Variants in FRMPD4 observed in about 807,000 individuals in gnomAD.
FRMPD4 encodes the protein FERM and PDZ domain-containing protein 4.
A neutral mutation model predicts 94.1 loss-of-function variants in FRMPD4; 22 were observed. The ratio of observed to expected loss-of-function variants is 0.23; its 90% CI spans 0.17 to 0.33. The LOEUF (loss-of-function observed/expected upper bound fraction) is 0.33. Ranked by LOEUF, FRMPD4 falls within the 10% of genes least tolerant of loss-of-function variation. FRMPD4 has a pLI of 1.00. For synonymous variants in FRMPD4, 631 were observed against 548.6 expected, an observed-to-expected ratio of 1.15 and a Z score of -2.10; for missense variants, 1,111 against 1,339.9, an observed-to-expected ratio of 0.83 and a Z score of 2.67.
At chrX:12,557,521 T>G (rs2058608512) in intron 2 of FRMPD4, among the ~76,000 whole-genome samples, 1 of 112,510 alleles carries the variant, frequency 8.9e-6, no homozygotes, top group Non-Finnish European at 1.9e-5. Flanking sequence ...TCTTGAAATA[T>G]GTCAAAGGAG....
chrX:12,583,793 A>G (rs1435798025), intron 2 of FRMPD4, among the ~76,000 whole-genome samples: 2 of 112,298 alleles, frequency 1.8e-5, no homozygotes, highest in African/African-American at 6.5e-5. Flanking sequence ...TGTCTTTCGC[A>G]CCAGAATCTC....
At chrX:12,581,946 C>A (rs2058869933) in intron 2 of FRMPD4, among the ~76,000 whole-genome samples, 1 of 111,965 alleles carries the variant, frequency 8.9e-6, no homozygotes, top group African/African-American at 3.3e-5. Context: ...TTCCTCCATA[C>A]TTCTCATTAG....
At chrX:12,349,112 G>C (rs770680888) in intron 1 of FRMPD4, among the ~76,000 whole-genome samples, 2 of 111,511 alleles carry the variant, frequency 1.8e-5, no homozygotes, top group Non-Finnish European at 3.8e-5. Context: ...CCCATGGTGA[G>C]GTAAGGTTGA....
rs780643831 is a variant in FRMPD4 at position 12,546,283 on chromosome X, C to G, written c.158+47487C>G. The stretch of plus-strand genomic sequence containing the variant: ...GCAACCTCCACCTCCAGGATTCAAG[C>G]AATTCTACTGCAGCCTCCCGAGTAG... On this transcript the variant is annotated intron_variant, in intron 2 of 16. Coordinates refer to ENST00000675598, the MANE Select transcript of FRMPD4 (RefSeq NM_001368397.1). Among the ~76,000 whole-genome samples, 3 of 109,730 alleles carry G rather than the reference C, an allele frequency of 2.7e-5. No individual in the cohort carries two copies. In the South Asian group the frequency reaches 1.2e-3, roughly 45 times the overall value.
intron 3 of FRMPD4, among the ~76,000 whole-genome samples, chrX:12,103,348 C>T (rs2055270721): frequency 8.9e-6 from 1 of 111,843 alleles, no homozygotes; most frequent in Admixed American, 9.5e-5. Context: ...TGACTTGTTC[C>T]AGCCATCACA....
At position 12,717,935 on chromosome X, in the gene FRMPD4, A is replaced by G. The variant is rs1282226187; in HGVS notation, c.3109A>G (p.Lys1037Glu). Residue 1037 changes from lysine to glutamate, a missense_variant, in exon 16 of 17, where the codon AAG (lysine) becomes GAG (glutamate). Physicochemically the swap from Lys to Glu is moderately conservative, Grantham distance 56 (BLOSUM62 1). Coordinates refer to ENST00000675598, the MANE Select transcript of FRMPD4 (RefSeq NM_001368397.1). Reference sequence around the variant, plus strand: ...AAGCAAGCTGGCCGATGGTGAGGGGAAGGCACCCCCTAATGGGAACACAAC... The same window carrying G: ...AAGCAAGCTGGCCGATGGTGAGGGGGAGGCACCCCCTAATGGGAACACAAC... ...RKSKLADGEGKAPPNGNTTGK... is the reference protein window; with the variant it reads ...RKSKLADGEGEAPPNGNTTGK... 3.3e-6 allele frequency: 4 copies of G among 1,209,488 alleles called. No homozygotes were observed. The Admixed American group carries it at 8.7e-5, about 26-fold the overall frequency.
chrX:12,621,371 C>T (rs1462610438), intron 4 of FRMPD4, among the ~76,000 whole-genome samples: 2 of 111,102 alleles, frequency 1.8e-5, no homozygotes, highest in African/African-American at 6.6e-5. Context: ...ACTATTAAGG[C>T]TTCAATAAGC....
At chrX:12,075,069 G>A (rs2055001678) in intron 3 of FRMPD4, among the ~76,000 whole-genome samples, 1 of 112,155 alleles carries the variant, frequency 8.9e-6, no homozygotes, top group African/African-American at 3.2e-5. Flanking sequence ...ATGCTATAAT[G>A]CCTGTTATGT....
chrX:12,228,941 T>G (rs1292221392), intron 1 of FRMPD4, among the ~76,000 whole-genome samples: 2 of 112,125 alleles, frequency 1.8e-5, no homozygotes, highest in Non-Finnish European at 3.8e-5. Context: ...GAAGCCTGTG[T>G]CAGTTGATAG....
chrX:11,981,741 A>G (rs766916651), intron 3 of FRMPD4, among the ~76,000 whole-genome samples: 26 of 111,359 alleles, frequency 2.3e-4, no homozygotes, highest in East Asian at 2.2e-3. Flanking sequence ...TTGGAATGAT[A>G]TATTTTGTCC....
chrX:12,617,730 C>T (rs1422366324), intron 4 of FRMPD4, among the ~76,000 whole-genome samples: 8 of 111,662 alleles, frequency 7.2e-5, no homozygotes, highest in African/African-American at 2.6e-4. Flanking sequence ...CTGTAAAATT[C>T]TCTCTTTAAA....
intron 4 of FRMPD4, among the ~76,000 whole-genome samples, chrX:12,651,051 T>TA (rs2059591152): frequency 8.9e-6 from 1 of 112,651 alleles, no homozygotes; most frequent in Non-Finnish European, 1.9e-5. Context: ...CTGTGTGTGC[T>TA]AAAAACACAG....
At chrX:12,312,239 CT>C (rs200625685) in intron 1 of FRMPD4, among the ~76,000 whole-genome samples, 15 of 61,491 alleles carry the variant, frequency 2.4e-4, no homozygotes, top group East Asian at 8.9e-4. Context: ...TGCTCCATTA[CT>C]TTTTTTTTTT....
chrX:11,890,070 G>T (rs2053865985), intron 3 of FRMPD4, among the ~76,000 whole-genome samples: 1 of 112,600 alleles, frequency 8.9e-6, no homozygotes, highest in South Asian at 3.6e-4. Context: ...ACAAAGTCAT[G>T]TAGCAGAAGG....
chrX:12,568,518 G>A (rs1436425359), intron 2 of FRMPD4, among the ~76,000 whole-genome samples: 1 of 111,992 alleles, frequency 8.9e-6, no homozygotes, highest in African/African-American at 3.2e-5. Context: ...CTTTCTCAGT[G>A]CTTCATAAAA....
At chrX:12,166,461 T>C (rs2056119811) in intron 1 of FRMPD4, among the ~76,000 whole-genome samples, 2 of 111,653 alleles carry the variant, frequency 1.8e-5, no homozygotes, top group Admixed American at 1.9e-4. Context: ...GCCAGTATTT[T>C]ATTGAGGATT....
Position 11,954,840 on chromosome X carries a change from C to A in FRMPD4, c.95+76822C>A, listed in dbSNP as rs754301448. On this transcript the variant is annotated intron_variant, in intron 3 of 18. Coordinates refer to the FRMPD4 transcript ENST00000640291. Reference sequence around the variant, plus strand: ...GATTTGTTCCTGACCTTGTTGGTGTCCTTGGGGGCTTTTTAGCAGAATAGG... The same window carrying A: ...GATTTGTTCCTGACCTTGTTGGTGTACTTGGGGGCTTTTTAGCAGAATAGG... 2.7e-5 allele frequency among the ~76,000 whole-genome samples: 3 copies of A among 109,778 alleles called. No individual in the cohort carries two copies. In the East Asian group the frequency reaches 8.6e-4, roughly 31 times the overall value.
intron 1 of FRMPD4, among the ~76,000 whole-genome samples, chrX:12,277,120 CAA>C (rs765802561): frequency 0.13 from 6,272 of 46,524 alleles, 163 homozygotes; most frequent in South Asian, 0.22. Context: ...GACTCCGTCT[CAA>C]AAAAAAAAAA....
At chrX:12,204,087 T>C (rs1175991620) in intron 1 of FRMPD4, among the ~76,000 whole-genome samples, 1 of 112,246 alleles carries the variant, frequency 8.9e-6, no homozygotes, top group East Asian at 2.8e-4. Context: ...TGGTTTTCAA[T>C]GGGGCAGTTT....
Sources: allele counts gnomAD v4.1 joint callset (sites outside exome capture counted in the v4.1 genomes callset), GRCh38; gene constraint gnomAD v4.1.1; transcripts MANE v1.5; gene names NCBI Gene and HGNC (gene_info 2026-07-23, HGNC 2026-07-21).